The following CDK8 variants were observed in gnomAD, a reference collection of about 807,000 sequenced individuals.
The protein encoded by CDK8 is cyclin dependent kinase 8, also known as cyclin-dependent kinase 8.
A neutral mutation model predicts 71.5 loss-of-function variants in CDK8; 29 were observed. The ratio of observed to expected loss-of-function variants is 0.41; its 90% confidence interval spans 0.30 to 0.55. CDK8 has a LOEUF of 0.55. CDK8 is among the 20% of genes least tolerant of loss of function. The pLI is 0.37. For missense variants in CDK8, 288 were observed against 572.6 expected, an observed-to-expected ratio of 0.50 and a Z score of 5.07; for synonymous variants, 161 against 192.1, an observed-to-expected ratio of 0.84 and a Z score of 1.34.
At chr13:26,396,563 CA>C (rs1876004084) in intron 8 of CDK8, among the ~76,000 whole-genome samples, 1 of 152,046 alleles carries the variant, frequency 6.6e-6, no homozygotes. Flanking sequence ...CTAATATTAG[CA>C]GCTGATTTGG....
intron 4 of CDK8, among the ~76,000 whole-genome samples, chr13:26,358,167 C>T (rs1019363592): frequency 3.3e-5 from 5 of 151,966 alleles, no homozygotes; most frequent in African/African-American, 1.2e-4. Flanking sequence ...GGCATGGTGG[C>T]GGGTGCCTGT....
chr13:26,270,151 AG>A, intron 1 of CDK8, among the ~76,000 whole-genome samples: 1 of 152,162 alleles, frequency 6.6e-6, no homozygotes, highest in Non-Finnish European at 1.5e-5. Flanking sequence ...GCACTTTGGG[AG>A]GCCGAGGCAG....
At chr13:26,381,179 A>C (rs1051061463) in intron 4 of CDK8, among the ~76,000 whole-genome samples, 2 of 152,166 alleles carry the variant, frequency 1.3e-5, no homozygotes, top group African/African-American at 4.8e-5. Flanking sequence ...TAAACATGGA[A>C]GTTTCTTCCT....
At chr13:26,340,270 A>G (rs1873186089) in intron 2 of CDK8, among the ~76,000 whole-genome samples, 1 of 152,148 alleles carries the variant, frequency 6.6e-6, no homozygotes, top group Non-Finnish European at 1.5e-5. Flanking sequence ...CTTAATTTTT[A>G]AACGTGAGGT....
chr13:26,306,591 C>T (rs1199354634), intron 1 of CDK8, among the ~76,000 whole-genome samples: 1 of 150,402 alleles, frequency 6.6e-6, no homozygotes, highest in African/African-American at 2.4e-5. Context: ...CTTGATTCTT[C>T]CCTACTTCCC....
At chr13:26,326,568 A>C (rs755712551) in intron 1 of CDK8, among the ~76,000 whole-genome samples, 4 of 152,148 alleles carry the variant, frequency 2.6e-5, no homozygotes, top group Non-Finnish European at 5.9e-5. Context: ...TTGATCCAGA[A>C]GTCTTGGGTA....
At chr13:26,337,683 T>G (rs765694353) in intron 2 of CDK8, 41 bp downstream of exon 2, 6 of 899,466 alleles carry the variant, frequency 6.7e-6, no homozygotes, top group Non-Finnish European at 9.8e-6. Flanking sequence ...ATCAACTGAC[T>G]TATGAGTACC....
At chr13:26,275,837 C>T (rs1283600397) in intron 1 of CDK8, among the ~76,000 whole-genome samples, 1 of 151,962 alleles carries the variant, frequency 6.6e-6, no homozygotes, top group Non-Finnish European at 1.5e-5. Context: ...AGTACTTCCA[C>T]TTGAGGAAAC....
Position 26,349,160 on chromosome 13 carries a change from A to T in CDK8, c.293A>T (p.Asp98Val), listed in dbSNP as rs2137992015. 6.2e-7 allele frequency: 1 copy of T among 1,605,698 alleles called. No individual in the cohort carries two copies. The highest frequency in any genetic ancestry group is 8.5e-7 in the Non-Finnish European group (1 of 1,172,910). ...GATAGGAAGGTGTGGCTTCTGTTTGACTATGCTGAACATGACCTCTGGGTA... is the reference window on the plus strand; with the variant it reads ...GATAGGAAGGTGTGGCTTCTGTTTGTCTATGCTGAACATGACCTCTGGGTA... ...HADRKVWLLFDYAEHDLWHII... is the reference protein window; with the variant it reads ...HADRKVWLLFVYAEHDLWHII... Residue 98 changes from aspartate to valine, a missense_variant, in exon 3 of 13, where the codon GAC (aspartate) becomes GTC (valine). Around this residue, in one of 6 missense-constraint regions of CDK8, gnomAD observed 95 missense variants for 177.3 expected, o/e 0.54. Coordinates refer to ENST00000381527, the MANE Select transcript of CDK8 (RefSeq NM_001260.3).
At chr13:26,284,088 A>C (rs980128291) in intron 1 of CDK8, among the ~76,000 whole-genome samples, 6 of 152,172 alleles carry the variant, frequency 3.9e-5, no homozygotes, top group Admixed American at 3.3e-4. Flanking sequence ...AATTCTTGCA[A>C]CTGAACAGTA....
intron 1 of CDK8, among the ~76,000 whole-genome samples, chr13:26,265,072 C>A (rs1217541285): frequency 6.6e-6 from 1 of 152,102 alleles, no homozygotes; most frequent in Non-Finnish European, 1.5e-5. Flanking sequence ...ATACTGATTT[C>A]TTTTCCTTGG....
At chr13:26,337,707 T>A in intron 2 of CDK8, 65 bp downstream of exon 2, 1 of 616,890 alleles carries the variant, frequency 1.6e-6, no homozygotes, top group Non-Finnish European at 2.7e-6. Context: ...TATATAAGGC[T>A]CTGTATTGTA....
chr13:26,338,578 G>A (rs1173216212), intron 2 of CDK8, among the ~76,000 whole-genome samples: 2 of 152,088 alleles, frequency 1.3e-5, no homozygotes, highest in African/African-American at 2.4e-5. Context: ...ACGAATGTAA[G>A]AATTACTTTC....
intron 1 of CDK8, among the ~76,000 whole-genome samples, chr13:26,272,159 T>C (rs1003908383): frequency 6.6e-6 from 1 of 151,978 alleles, no homozygotes. Flanking sequence ...TATAAAAACA[T>C]TTTCTTTATA....
At chr13:26,255,258 A>G (rs1871470720) in intron 1 of CDK8, among the ~76,000 whole-genome samples, 1 of 152,206 alleles carries the variant, frequency 6.6e-6, no homozygotes, top group Admixed American at 6.5e-5. Context: ...AAAGGAAGGC[A>G]GCGAGTGAAT....
intron 1 of CDK8, among the ~76,000 whole-genome samples, chr13:26,295,958 C>A (rs2137908942): frequency 6.6e-6 from 1 of 152,194 alleles, no homozygotes; most frequent in East Asian, 1.9e-4. Context: ...TTTGACTGGA[C>A]AGTGGCTGTA....
intron 1 of CDK8, among the ~76,000 whole-genome samples, chr13:26,280,870 A>C (rs1872719354): frequency 6.6e-6 from 1 of 152,216 alleles, no homozygotes; most frequent in South Asian, 2.1e-4. Flanking sequence ...GTGGAGACTC[A>C]CACTGTGGAC....
chr13:26,272,764 G>C (rs762715335), intron 1 of CDK8, among the ~76,000 whole-genome samples: 1 of 152,152 alleles, frequency 6.6e-6, no homozygotes, highest in African/African-American at 2.4e-5. Context: ...CACCACAAAC[G>C]TGCCTGTAAT....
At chr13:26,339,754 A>ACATATATATAT (rs66521623) in intron 2 of CDK8, among the ~76,000 whole-genome samples, 3 of 129,350 alleles carry the variant, frequency 2.3e-5, no homozygotes, top group Non-Finnish European at 4.9e-5. Context: ...ACTTAAAAAA[A>ACATATATATAT]AAATATATAT....
Sources: allele counts gnomAD v4.1 joint callset (sites outside exome capture counted in the v4.1 genomes callset), GRCh38; gene constraint gnomAD v4.1.1; regional missense constraint gnomAD v4.1.1; transcripts MANE v1.5; gene names NCBI Gene and HGNC (gene_info 2026-07-23, HGNC 2026-07-21).